CNNM2: variants seen among roughly 807,000 people sequenced by gnomAD.
CNNM2 encodes the protein metal transporter CNNM2.
A neutral mutation model predicts 66.9 loss-of-function variants in CNNM2; 12 were observed. The observed-to-expected ratio is 0.18, with a 90% CI of 0.11 to 0.29. CNNM2 has a LOEUF of 0.29. CNNM2 is among the 10% of genes least tolerant of loss of function. The pLI is 1.00. For missense variants in CNNM2, 705 were observed against 1,167.7 expected (o/e 0.60, Z 5.77); for synonymous variants, 557 against 501.8 (o/e 1.11, Z -1.47).
intron 1 of CNNM2, among the ~76,000 whole-genome samples, chr10:103,029,230 G>A (rs1471464147): frequency 2.0e-5 from 3 of 151,594 alleles, no homozygotes; most frequent in Middle Eastern, 3.4e-3. Context: ...TTAGGATGCT[G>A]AGGCAGGTGG....
intron 1 of CNNM2, among the ~76,000 whole-genome samples, chr10:102,981,110 A>G (rs951172606): frequency 4.6e-5 from 7 of 152,060 alleles, no homozygotes; most frequent in African/African-American, 1.4e-4. Context: ...GCACTTTGGG[A>G]GGCTGAAACA....
chr10:102,950,361 A>G (rs1314948921), intron 1 of CNNM2, among the ~76,000 whole-genome samples: 2 of 152,236 alleles, frequency 1.3e-5, no homozygotes, highest in Non-Finnish European at 2.9e-5. Flanking sequence ...TTGTGGAAAT[A>G]ATATGAGAAA....
rs749616930 is a variant in CNNM2 at position 103,088,614 on chromosome 10, C to T, written c.*11434C>T. The T allele has an allele frequency of 9.8e-5, 16 of 162,614 alleles. No individual in the cohort carries two copies. The highest frequency in any genetic ancestry group is 1.9e-4 in the Non-Finnish European group (14 of 74,222). The allele number at this position is 162,614 out of a possible 1,614,324, so 10.1% of individuals were successfully genotyped here. A position where few individuals can be genotyped will look rare whatever the true frequency, so the allele number is the denominator to read the frequency against. ...GTTGGTAAGGCTGGTCTCGAACTCC[C>T]GACCTCAGGTGATCCGCCTGTCTCG... On this transcript the variant is annotated 3_prime_UTR_variant, in exon 8 of 8. Coordinates refer to ENST00000369878, the MANE Select transcript of CNNM2 (RefSeq NM_017649.5).
At chr10:103,076,659 C>T (rs1400161975) in intron 7 of CNNM2, among the ~76,000 whole-genome samples, 2 of 152,208 alleles carry the variant, frequency 1.3e-5, no homozygotes, top group Non-Finnish European at 2.9e-5. Flanking sequence ...TTCTGCCGGG[C>T]AGTCAGAGTA....
chr10:102,921,020 C>A (rs910994018), intron 1 of CNNM2: 7 of 902,368 alleles, frequency 7.8e-6, no homozygotes, highest in Non-Finnish European at 9.3e-6. Context: ...TCATCCGATA[C>A]ATTAAGTTGA....
intron 5 of CNNM2, 39 bp downstream of exon 5, chr10:103,068,761 G>A (rs758645680): frequency 1.3e-5 from 19 of 1,494,886 alleles, no homozygotes; most frequent in Non-Finnish European, 1.8e-5. Context: ...AGGACCACGT[G>A]TTAGGAAGTA....
intron 1 of CNNM2, among the ~76,000 whole-genome samples, chr10:103,029,643 A>G (rs1238951189): frequency 6.6e-6 from 1 of 151,708 alleles, no homozygotes; most frequent in Non-Finnish European, 1.5e-5. Context: ...CGGGTGGATC[A>G]CGAGGTTCAG....
At chr10:103,032,682 T>TAA (rs1590427983) in intron 1 of CNNM2, among the ~76,000 whole-genome samples, 2 of 104,134 alleles carry the variant, frequency 1.9e-5, no homozygotes, top group African/African-American at 8.2e-5. Flanking sequence ...TTTTTTTTTT[T>TAA]AAATAGCTGC....
At chr10:102,947,997 G>A (rs1846680744) in intron 1 of CNNM2, among the ~76,000 whole-genome samples, 2 of 152,138 alleles carry the variant, frequency 1.3e-5, no homozygotes, top group Admixed American at 6.5e-5. Flanking sequence ...AGCTTGCAGT[G>A]AGCCGAGATT....
chr10:102,999,984 CCAGCAGTTTGGGAGGT>C (rs2134253881), intron 1 of CNNM2, among the ~76,000 whole-genome samples: 1 of 152,170 alleles, frequency 6.6e-6, no homozygotes, highest in East Asian at 1.9e-4. Flanking sequence ...GCCTGTAATC[CCAGCAGTTTGGGAGGT>C]CAAGGCAGAT....
chr10:102,981,130 T>C (rs2063712768), intron 1 of CNNM2, among the ~76,000 whole-genome samples: 2 of 152,186 alleles, frequency 1.3e-5, no homozygotes, highest in South Asian at 4.1e-4. Flanking sequence ...AGGTGATCGC[T>C]TGAGTCCAGG....
intron 1 of CNNM2, among the ~76,000 whole-genome samples, chr10:103,011,078 CCA>C (rs1273374361): frequency 2.0e-5 from 3 of 152,178 alleles, no homozygotes; most frequent in Admixed American, 6.5e-5. Context: ...CAAACATCCA[CCA>C]CAATGCGTAG....
At chr10:103,001,232 A>C (rs778903602) in intron 1 of CNNM2, among the ~76,000 whole-genome samples, 6 of 152,204 alleles carry the variant, frequency 3.9e-5, no homozygotes, top group Admixed American at 1.3e-4. Context: ...GCAGGATTAA[A>C]AGAGGTGTGG....
Position 102,967,970 on chromosome 10 carries a change from TG to T in CNNM2, c.1621+47870del, listed in dbSNP as rs149776373. On this transcript the variant is annotated intron_variant, in intron 1 of 7. Coordinates refer to ENST00000369878, the MANE Select transcript of CNNM2 (RefSeq NM_017649.5). Reference sequence around the variant, plus strand: ...TGGCAATGAGCTGAGATTGTGTCACTGTGCTCCAGCCTGAGCGACACAGTGA... The same window carrying T: ...TGGCAATGAGCTGAGATTGTGTCACTTGCTCCAGCCTGAGCGACACAGTGA... 6.6e-3 allele frequency among the ~76,000 whole-genome samples: 1,006 copies of T among 152,350 alleles called. 11 individuals are homozygous for T. Among genetic ancestry groups the T allele is most frequent in the African/African-American group, 0.023 (945 of 41,586 alleles).
chr10:103,057,646 C>A (rs760170673), intron 4 of CNNM2, among the ~76,000 whole-genome samples: 3 of 152,064 alleles, frequency 2.0e-5, no homozygotes, highest in Non-Finnish European at 4.4e-5. Flanking sequence ...ATCCTTTTTT[C>A]CATCCTTCAT....
At chr10:103,028,814 C>CTTTTTTTTTTTTTTTTTTTTTTTTTTT (rs67846722) in intron 1 of CNNM2, among the ~76,000 whole-genome samples, 1 of 126,182 alleles carries the variant, frequency 7.9e-6, no homozygotes, top group African/African-American at 3.0e-5. Context: ...TTTTCTTTTT[C>CTTTTTTTTTTTTTTTTTTTTTTTTTTT]TTTTTTTTTT....
intron 1 of CNNM2, among the ~76,000 whole-genome samples, chr10:103,044,492 G>A (rs2065095611): frequency 6.6e-6 from 1 of 151,910 alleles, no homozygotes; most frequent in Admixed American, 6.6e-5. Context: ...GGAGTTCAAG[G>A]CTGCAGTGAG....
At chr10:103,024,588 C>G (rs2134291134) in intron 1 of CNNM2, among the ~76,000 whole-genome samples, 1 of 152,220 alleles carries the variant, frequency 6.6e-6, no homozygotes, top group Middle Eastern at 3.4e-3. Context: ...AAGCGATTCT[C>G]CTGCCTCAGC....
At chr10:102,942,593 G>C (rs1008869511) in intron 1 of CNNM2, among the ~76,000 whole-genome samples, 1 of 152,128 alleles carries the variant, frequency 6.6e-6, no homozygotes, top group South Asian at 2.1e-4. Flanking sequence ...TTGCCTTTTG[G>C]CTATTGTGAA....
Sources: allele counts gnomAD v4.1 joint callset (sites outside exome capture counted in the v4.1 genomes callset), GRCh38; gene constraint gnomAD v4.1.1; transcripts MANE v1.5; gene names NCBI Gene and HGNC (gene_info 2026-07-23, HGNC 2026-07-21).